USP44: variants seen among roughly 807,000 people sequenced by gnomAD.
USP44 encodes ubiquitin carboxyl-terminal hydrolase 44.
USP44 carries 61 observed loss-of-function variants against 69.0 expected under a neutral mutation model. The observed-to-expected ratio is 0.88, with a 90% CI of 0.72 to 1.09. The LOEUF (loss-of-function observed/expected upper bound fraction) is 1.09, where lower values mean the gene tolerates loss of function less well. USP44 is among the 50% of genes least tolerant of loss of function. The pLI, the probability that USP44 is intolerant of heterozygous loss-of-function variation, is 0.00. For synonymous variants in USP44, 297 were observed against 295.4 expected, an observed-to-expected ratio of 1.01 and a Z score of -0.06; for missense variants, 753 against 849.9, an observed-to-expected ratio of 0.89 and a Z score of 1.42.
At chr12:95,526,265 G>T (rs1327351597) in intron 3 of USP44, among the ~76,000 whole-genome samples, 1 of 152,072 alleles carries the variant, frequency 6.6e-6, no homozygotes, top group Non-Finnish European at 1.5e-5. Flanking sequence ...CTTTGACAAA[G>T]ATTTATTTTT....
At chr12:95,536,749 C>T (rs1043353268) in intron 1 of USP44, among the ~76,000 whole-genome samples, 1 of 152,178 alleles carries the variant, frequency 6.6e-6, no homozygotes, top group Non-Finnish European at 1.5e-5. Context: ...ACAGTCTACT[C>T]TCAACACACA....
At chr12:95,531,652 C>T (rs1018306376) in intron 2 of USP44, among the ~76,000 whole-genome samples, 2 of 152,142 alleles carry the variant, frequency 1.3e-5, no homozygotes, top group Non-Finnish European at 2.9e-5. Context: ...GAAAAATAAA[C>T]TTCATAGATA....
At chr12:95,541,202 G>A (rs1240028293) in intron 1 of USP44, among the ~76,000 whole-genome samples, 1 of 152,156 alleles carries the variant, frequency 6.6e-6, no homozygotes, top group Non-Finnish European at 1.5e-5. Flanking sequence ...CTTGCACCTG[G>A]GAGACGGAGG....
At position 95,548,380 on chromosome 12, in the gene USP44, G is replaced by C. The variant is rs529316991; in HGVS notation, c.-71+2892C>G. 2 of 152,814 alleles carry C rather than the reference G, an allele frequency of 1.3e-5. No homozygotes were observed. The highest frequency in any genetic ancestry group is 1.3e-4 in the Admixed American group (2 of 15,286). 9.5% of individuals were successfully genotyped at this position (152,814 alleles called of 1,614,324 possible). ...CTCCACGACGCTCGTGCCGGGATCA[G>C]CGCGAAGCCCCTTCCAGTCCCCGAA... is the stretch of plus-strand genomic sequence containing the variant. On this transcript the variant is annotated intron_variant, in intron 1 of 5. Coordinates refer to ENST00000258499, the MANE Select transcript of USP44 (RefSeq NM_032147.5). This position sits in a 1 kb window ranked among gnomAD's most constrained non-coding sequence, Gnocchi z 4.1.
chr12:95,528,427 G>A (rs1414581455), intron 3 of USP44, among the ~76,000 whole-genome samples: 7 of 152,092 alleles, frequency 4.6e-5, no homozygotes, highest in South Asian at 2.1e-4. Context: ...ATACACACAC[G>A]CATTTATCTA....
intron 1 of USP44, among the ~76,000 whole-genome samples, chr12:95,535,069 C>T (rs1358219042): frequency 2.0e-5 from 3 of 152,100 alleles, no homozygotes; most frequent in African/African-American, 7.2e-5. Flanking sequence ...GTTAATAAAA[C>T]ATAATCAAAG....
Position 95,548,248 on chromosome 12 carries a change from C to T in USP44, c.-71+3024G>A, listed in dbSNP as rs1055540907. ...ACCGCCCTCCCGAAGTGCCCCGGGG[C>T]TTCGAGCATCACCTCGCGGTAATCC... On this transcript the variant is annotated intron_variant, in intron 1 of 5. Coordinates refer to ENST00000258499, the MANE Select transcript of USP44 (RefSeq NM_032147.5). The surrounding 1 kb of genome is among the most constrained non-coding windows in gnomAD (Gnocchi z 4.1). 1 of 152,194 alleles carries T rather than the reference C, an allele frequency of 6.6e-6. No homozygotes were observed. The highest frequency in any genetic ancestry group is 2.4e-5 in the African/African-American group (1 of 41,432). 9.4% of individuals were successfully genotyped at this position (152,194 alleles called of 1,614,324 possible). A position where few individuals can be genotyped will look rare whatever the true frequency, so the allele number is the denominator to read the frequency against.
intron 3 of USP44, among the ~76,000 whole-genome samples, chr12:95,528,104 G>A (rs1469578383): frequency 6.6e-6 from 1 of 152,178 alleles, no homozygotes; most frequent in Non-Finnish European, 1.5e-5. Flanking sequence ...CTCCCAACGT[G>A]GTAGGATTAC....
Position 95,518,038 on chromosome 12 carries a change from A to G in USP44, c.*116T>C. 1 of 1,107,786 alleles carries G rather than the reference A, an allele frequency of 9.0e-7. No homozygotes were observed. Among genetic ancestry groups the G allele is most frequent in the Non-Finnish European group, 1.3e-6 (1 of 796,216 alleles). The allele number at this position is 1,107,786 out of a possible 1,614,324, so 68.6% of individuals were successfully genotyped here. ...TAAAAAAAAAAATTGTTAGATATAA[A>G]ATGTATAAATGTAGTATACACTGAT... On this transcript the variant is annotated 3_prime_UTR_variant, in exon 6 of 6. Coordinates refer to ENST00000258499, the MANE Select transcript of USP44 (RefSeq NM_032147.5).
At chr12:95,546,506 C>A (rs1316911151) in intron 1 of USP44, 3 of 152,134 alleles carry the variant, frequency 2.0e-5, no homozygotes, top group Non-Finnish European at 2.9e-5. Context: ...TTAGGCTGGG[C>A]CTAATAGCAA....
chr12:95,521,140 T>A lies in USP44; in HGVS notation c.1796A>T (p.Asn599Ile). The change falls in exon 5 of 6, where the codon AAC (asparagine) becomes ATC (isoleucine). Residue 599 changes from asparagine to isoleucine, a missense_variant. Physicochemically the swap from Asn to Ile is moderately radical, Grantham distance 149 (BLOSUM62 -3). Transcript: ENST00000258499. Reference sequence around the variant, plus strand: ...CTCCCTGCAGCAATAGGGCTCCATGTTTAAGATTTCCTCAAAGCCAACATG... The same window carrying A: ...CTCCCTGCAGCAATAGGGCTCCATGATTAAGATTTCCTCAAAGCCAACATG... The part of the protein sequence containing the change: ...GVHVGFEEIL[N>I]MEPYCCRETL... The A allele has an allele frequency of 6.2e-7, 1 of 1,614,182 alleles. No individual in the cohort carries two copies. The highest frequency in any genetic ancestry group is 8.5e-7 in the Non-Finnish European group (1 of 1,180,034).
chr12:95,524,176 G>T (rs2076757914), intron 4 of USP44, among the ~76,000 whole-genome samples: 1 of 152,016 alleles, frequency 6.6e-6, no homozygotes, highest in African/African-American at 2.4e-5. Flanking sequence ...TACTTCCCAG[G>T]TTCAAGCGAT....
Position 95,548,132 on chromosome 12 carries a change from G to C in USP44, c.-71+3140C>G, listed in dbSNP as rs960532520. The C allele has an allele frequency of 6.6e-6, 1 of 152,250 alleles. No homozygotes were observed. Among genetic ancestry groups the C allele is most frequent in the African/African-American group, 2.4e-5 (1 of 41,456 alleles). 9.4% of individuals were successfully genotyped at this position (152,250 alleles called of 1,614,324 possible). A position where few individuals can be genotyped will look rare whatever the true frequency, so the allele number is the denominator to read the frequency against. On this transcript the variant is annotated intron_variant, in intron 1 of 5. Coordinates refer to ENST00000258499, the MANE Select transcript of USP44 (RefSeq NM_032147.5). This position sits in a 1 kb window ranked among gnomAD's most constrained non-coding sequence, Gnocchi z 4.1. ...GGAAGCTGATTTTCAAGCTTTAAGC[G>C]GCAGCAGGTGCCGGCAGCGCGGGGA...
chr12:95,523,689 CAAA>C (rs927669685), intron 4 of USP44, among the ~76,000 whole-genome samples: 5 of 89,186 alleles, frequency 5.6e-5, no homozygotes, highest in Non-Finnish European at 9.7e-5. Flanking sequence ...CTGTCTCTAC[CAAA>C]AAAAAAAAAA....
At chr12:95,539,374 T>C (rs568754973) in intron 1 of USP44, among the ~76,000 whole-genome samples, 31 of 152,112 alleles carry the variant, frequency 2.0e-4, no homozygotes, top group Middle Eastern at 3.4e-3. Flanking sequence ...TACAGGCGCC[T>C]GCCACCACAC....
intron 3 of USP44, among the ~76,000 whole-genome samples, chr12:95,527,525 T>C (rs1263458273): frequency 6.6e-6 from 1 of 151,916 alleles, no homozygotes; most frequent in Non-Finnish European, 1.5e-5. Flanking sequence ...TGTTCTGTCA[T>C]CCAGGAAGGA....
chr12:95,546,858 T>C (rs2077587395), intron 1 of USP44: 2 of 152,218 alleles, frequency 1.3e-5, no homozygotes, highest in Admixed American at 1.3e-4. Flanking sequence ...ACACAGACTC[T>C]GCCCTCAAAC....
At chr12:95,539,310 C>G (rs560779545) in intron 1 of USP44, among the ~76,000 whole-genome samples, 1 of 151,334 alleles carries the variant, frequency 6.6e-6, no homozygotes, top group Non-Finnish European at 1.5e-5. Flanking sequence ...ACTGCAAGCT[C>G]CGCCTCCTGG....
chr12:95,519,465 A>C (rs1043839707), intron 5 of USP44, among the ~76,000 whole-genome samples: 3 of 103,004 alleles, frequency 2.9e-5, no homozygotes, highest in African/African-American at 7.7e-5. Context: ...TTTGAGATGG[A>C]GTCTCGCTCT....
Sources: allele counts gnomAD v4.1 joint callset (sites outside exome capture counted in the v4.1 genomes callset), GRCh38; gene constraint gnomAD v4.1.1; non-coding constraint Gnocchi (gnomAD v3.1); transcripts MANE v1.5; gene names NCBI Gene and HGNC (gene_info 2026-07-23, HGNC 2026-07-21).